Variants in PCDHGA4 observed in about 807,000 individuals in gnomAD.
PCDHGA4 encodes the protein protocadherin gamma subfamily A, 4.
In PCDHGA4, 38 loss-of-function variants were observed where a neutral mutation model predicts 54.6. The observed-to-expected ratio is 0.70, with a 90% CI of 0.54 to 0.91. The LOEUF (loss-of-function observed/expected upper bound fraction) is 0.91. PCDHGA4 is among the 40% of genes least tolerant of loss of function. The probability of loss-of-function intolerance (pLI) is 0.00; values close to 1 mark genes in which losing one functional copy is unlikely to be tolerated. For missense variants in PCDHGA4, 1,298 were observed against 1,220.9 expected (o/e 1.06, Z -0.94); for synonymous variants, 511 against 512.9 (o/e 1.00, Z 0.05).
chr5:141,421,429 G>A, intron 1 of PCDHGA4: 1 of 1,614,090 alleles, frequency 6.2e-7, no homozygotes, highest in Non-Finnish European at 8.5e-7. Context: ...AGTCCGCATC[G>A]TCTCCAGAGG....
chr5:141,477,344 A>C lies in PCDHGA4; in HGVS notation c.2515-17463A>C. On this transcript the variant is annotated intron_variant, in intron 1 of 3. Coordinates refer to ENST00000571252, the MANE Select transcript of PCDHGA4 (RefSeq NM_018917.4). The surrounding 1 kb of genome is among the most constrained non-coding windows in gnomAD (Gnocchi z 4.9). Reference sequence around the variant, plus strand: ...TTCCCTCAAGAATTACTTCACTTTGAAAACCAGTGCAGACCTGGATCGGGA... The same window carrying C: ...TTCCCTCAAGAATTACTTCACTTTGCAAACCAGTGCAGACCTGGATCGGGA... 6.2e-7 allele frequency: 1 copy of C among 1,614,154 alleles called. No homozygotes were observed. The highest frequency in any genetic ancestry group is 8.5e-7 in the Non-Finnish European group (1 of 1,180,034).
intron 3 of PCDHGA4, among the ~76,000 whole-genome samples, chr5:141,506,454 A>G (rs2099853946): frequency 6.6e-6 from 1 of 151,844 alleles, no homozygotes; most frequent in African/African-American, 2.4e-5. Context: ...CAAAAAAAAA[A>G]AAAAAAAAAA....
chr5:141,422,780 T>C, intron 1 of PCDHGA4: 2 of 1,614,140 alleles, frequency 1.2e-6, no homozygotes, highest in Non-Finnish European at 1.7e-6. Context: ...CTCTATGCCC[T>C]ACAATCCTTC....
chr5:141,453,318 AG>A (rs1299190594), intron 1 of PCDHGA4, among the ~76,000 whole-genome samples: 2 of 151,458 alleles, frequency 1.3e-5, no homozygotes, highest in Non-Finnish European at 2.9e-5. Context: ...TTTATTTTAG[AG>A]ATGGGGTCTC....
intron 1 of PCDHGA4, chr5:141,361,293 G>A: frequency 1.2e-6 from 2 of 1,614,018 alleles, no homozygotes; most frequent in Non-Finnish European, 8.5e-7. Context: ...ACTGCCAAGT[G>A]TTGGGAAATG....
intron 3 of PCDHGA4, among the ~76,000 whole-genome samples, chr5:141,506,435 G>C (rs1470687416): frequency 7.9e-6 from 1 of 126,278 alleles, no homozygotes; most frequent in East Asian, 2.1e-4. Flanking sequence ...CAACAGTCTC[G>C]CTCTGTCTCA....
intron 1 of PCDHGA4, chr5:141,384,316 T>C (rs1779949710): frequency 6.2e-7 from 1 of 1,613,858 alleles, no homozygotes; most frequent in Non-Finnish European, 8.5e-7. Context: ...CTCCATTTTC[T>C]TAGTGACTGC....
At chr5:141,403,876 T>A (rs1189942027) in intron 1 of PCDHGA4, 3 of 1,613,702 alleles carry the variant, frequency 1.9e-6, no homozygotes, top group African/African-American at 1.3e-5. Flanking sequence ...AAAGTCTAGA[T>A]TATGAAGAAT....
intron 1 of PCDHGA4, chr5:141,374,770 G>C (rs750704696): frequency 1.2e-6 from 2 of 1,613,694 alleles, no homozygotes; most frequent in Non-Finnish European, 1.7e-6. Flanking sequence ...CCCAAATTCT[G>C]GTAACAGTTC....
rs561648427 is a variant in PCDHGA4, at chr5:141,379,679, T to G, written c.2514+22058T>G. The stretch of plus-strand genomic sequence containing the variant: ...TACTCTCACAAAAGTCATTCACTCA[T>G]GTGGACTGACCAACTGTTAAACATC... On this transcript the variant is annotated intron_variant, in intron 1 of 3. Coordinates refer to ENST00000571252, the MANE Select transcript of PCDHGA4 (RefSeq NM_018917.4). 2.0e-5 allele frequency: 3 copies of G among 152,260 alleles called. No individual in the cohort carries two copies. The South Asian group carries it at 6.2e-4, about 32-fold the overall frequency. The allele number at this position is 152,260 out of a possible 1,614,324, so 9.4% of individuals were successfully genotyped here. A position where few individuals can be genotyped will look rare whatever the true frequency, so the allele number is the denominator to read the frequency against.
chr5:141,376,574 G>A, intron 1 of PCDHGA4: 12 of 1,598,206 alleles, frequency 7.5e-6, no homozygotes, highest in Non-Finnish European at 1.0e-5. Context: ...AATCAGACAG[G>A]CTCATCAGCT....
Position 141,357,278 on chromosome 5 carries a change from T to G in PCDHGA4, c.2171T>G (p.Leu724Arg). Residue 724 changes from leucine to arginine, a missense_variant, in exon 1 of 4, where the codon CTC (leucine) becomes CGC (arginine). Physicochemically the swap from Leu to Arg is moderately radical, Grantham distance 102. Transcript: ENST00000571252. The part of the protein sequence containing the change: ...DPDDSGLTLY[L>R]VVAVAAVSCV... The stretch of plus-strand genomic sequence containing the variant: ...GACGACTCGGGCCTCACACTCTATC[T>G]CGTGGTGGCAGTGGCCGCTGTCTCC... 1 of 1,613,822 alleles carries G rather than the reference T, an allele frequency of 6.2e-7. No individual in the cohort carries two copies. Among genetic ancestry groups the G allele is most frequent in the Non-Finnish European group, 8.5e-7 (1 of 1,179,804 alleles).
intron 1 of PCDHGA4, chr5:141,411,948 G>A (rs2095525022): frequency 1.3e-5 from 2 of 152,152 alleles, no homozygotes. Flanking sequence ...GAAGATTTTT[G>A]AAGAAAAAAG....
intron 1 of PCDHGA4, chr5:141,414,344 T>C: frequency 6.2e-7 from 1 of 1,613,882 alleles, no homozygotes; most frequent in Non-Finnish European, 8.5e-7. Flanking sequence ...ACCTGTTCCA[T>C]TTTGGCGTAT....
At chr5:141,413,407 CTT>C (rs758693256) in intron 1 of PCDHGA4, 1 of 1,613,926 alleles carries the variant, frequency 6.2e-7, no homozygotes, top group Non-Finnish European at 8.5e-7. Context: ...TAGGACGCAG[CTT>C]TTCTCTCTGA....
chr5:141,415,350 G>C, intron 1 of PCDHGA4: 1 of 1,614,228 alleles, frequency 6.2e-7, no homozygotes, highest in Non-Finnish European at 8.5e-7. Context: ...GCTGGCACAA[G>C]TCACGCCTGC....
At chr5:141,403,348 G>C (rs1031512427) in intron 1 of PCDHGA4, 2 of 1,614,052 alleles carry the variant, frequency 1.2e-6, no homozygotes, top group Middle Eastern at 1.6e-4. Flanking sequence ...GCGCCCCAAA[G>C]TTCCAGGCCG....
In PCDHGA4 at chr5:141,357,339, A is replaced by T. The variant is rs771047184; in HGVS notation, c.2232A>T (p.Ala744=). 8.7e-6 allele frequency: 14 copies of T among 1,613,986 alleles called. No homozygotes were observed. In the South Asian group the frequency reaches 1.5e-4, roughly 18 times the overall value. The change falls in exon 1 of 4, where the codon GCA becomes GCT. Residue 744 remains alanine, a synonymous_variant. Transcript: ENST00000571252. ...VFLAFVTVLL[A]LKLRRWHKSR... Reference sequence around the variant, plus strand: ...TGGCTTTTGTCACGGTGCTGCTAGCACTCAAGCTGAGACGCTGGCACAAGT... The same window carrying T: ...TGGCTTTTGTCACGGTGCTGCTAGCTCTCAAGCTGAGACGCTGGCACAAGT...
intron 1 of PCDHGA4, chr5:141,421,938 T>C (rs777643980): frequency 2.9e-5 from 46 of 1,613,346 alleles, no homozygotes; most frequent in Non-Finnish European, 3.5e-5. Context: ...TCGATGTAAA[T>C]GATCACATCC....
Sources: gnomAD v4.1 joint callset for allele counts (sites outside exome capture counted in the v4.1 genomes callset) on GRCh38, gnomAD v4.1.1 for gene constraint, Gnocchi (gnomAD v3.1) non-coding constraint, MANE v1.5 for transcripts, NCBI Gene and HGNC (gene_info 2026-07-23, HGNC 2026-07-21) for gene names.